The following AFDN variants were observed in gnomAD, a reference collection of about 807,000 sequenced individuals.
The protein encoded by AFDN is afadin, adherens junction formation factor.
In AFDN, 68 loss-of-function variants were observed where a neutral mutation model predicts 216.6. That is an observed-to-expected ratio of 0.31 (90% CI 0.26 to 0.38). The LOEUF is 0.38. Among genes scored for constraint, AFDN ranks in the 10% least tolerant of loss-of-function variants. The pLI, the probability that AFDN is intolerant of heterozygous loss-of-function variation, is 1.00. For missense variants in AFDN, 2,136 were observed against 2,342.0 expected, an observed-to-expected ratio of 0.91 and a Z score of 1.82; for synonymous variants, 868 against 853.7, an observed-to-expected ratio of 1.02 and a Z score of -0.29.
intron 4 of AFDN, among the ~76,000 whole-genome samples, chr6:167,874,262 A>G (rs574382938): frequency 7.2e-5 from 11 of 152,268 alleles, no homozygotes; most frequent in African/African-American, 2.4e-4. Flanking sequence ...AAAAGCTTCT[A>G]CTTTATGACT....
In AFDN at chr6:167,970,570, G is replaced by A. The variant is rs1028717096; in HGVS notation, c.*635G>A. ...CCGAGACTGTTCCATCTCATTCCTC[G>A]CAAATTTGAGCTCTTCTGATCAATT... is the stretch of plus-strand genomic sequence containing the variant. On this transcript the variant is annotated 3_prime_UTR_variant, in exon 34 of 34. Coordinates refer to ENST00000683244, the MANE Select transcript of AFDN (RefSeq NM_001386888.1). The A allele has an allele frequency of 2.8e-5, 6 of 212,654 alleles. No homozygotes were observed. The highest frequency in any genetic ancestry group is 1.5e-3 in the Middle Eastern group (1 of 674). 13.2% of individuals were successfully genotyped at this position (212,654 alleles called of 1,614,324 possible). A position where few individuals can be genotyped will look rare whatever the true frequency, so the allele number is the denominator to read the frequency against.
At position 167,948,408 on chromosome 6, in the gene AFDN, A is replaced by C; in HGVS notation, c.3761A>C (p.Asn1254Thr). 1 of 1,614,156 alleles carries C rather than the reference A, an allele frequency of 6.2e-7. No homozygotes were observed. The highest frequency in any genetic ancestry group is 8.5e-7 in the Non-Finnish European group (1 of 1,180,038). The change falls in exon 29 of 34, where the codon AAC becomes ACC. Residue 1254 changes from asparagine to threonine, a missense_variant. Physicochemically the swap from Asn to Thr is moderately conservative, Grantham distance 65. Transcript: ENST00000683244. ...KSQDRMAPPQ[N>T]QWPNYEEKPH... is the part of the protein sequence containing the mutation. ...CAGGATCGGATGGCTCCTCCTCAGA[A>C]CCAGTGGCCAAATTATGAGGAAAAG...
At chr6:167,826,822 C>CG (rs907539879), upstream of AFDN, 8 of 140,010 alleles carry the variant, frequency 5.7e-5, no homozygotes, top group South Asian at 2.1e-4. Context: ...CGGCGCCGCG[C>CG]GGGGCGGCGG....
chr6:167,952,525 G>A (rs1562333169), intron 30 of AFDN: 5 of 985,286 alleles, frequency 5.1e-6, no homozygotes, highest in Non-Finnish European at 4.8e-6. Context: ...CTTGATCCAG[G>A]GTAGGCAAAA....
rs774949789 is a variant in AFDN at position 167,870,487 on chromosome 6, A to C, written c.403A>C (p.Ile135Leu). 1.9e-6 allele frequency: 3 copies of C among 1,607,658 alleles called. No homozygotes were observed. Among genetic ancestry groups the C allele is most frequent in the Non-Finnish European group, 2.6e-6 (3 of 1,175,556 alleles). The change falls in exon 3 of 34, where the codon ATT (isoleucine) becomes CTT (leucine). Residue 135 changes from isoleucine (I) to leucine (L), a missense_variant. Ile to Leu is a conservative substitution (Grantham distance 5). Coordinates refer to ENST00000683244, the MANE Select transcript of AFDN (RefSeq NM_001386888.1). ...TGTTCTTAAGAATGAGAATGACGCC[A>C]TTCCTCCTAAGGTAGGAACCCTCAG... ...RFVLKNENDA[I>L]PPKKAQSNGP... is the part of the protein sequence containing the mutation.
chr6:167,929,214 T>G (rs1792953851), intron 23 of AFDN, among the ~76,000 whole-genome samples: 1 of 151,386 alleles, frequency 6.6e-6, no homozygotes, highest in Non-Finnish European at 1.5e-5. Context: ...GTGTAAATTT[T>G]CACTTTTAAA....
intron 1 of AFDN, among the ~76,000 whole-genome samples, chr6:167,852,685 C>G (rs180870613): frequency 6.6e-6 from 1 of 152,208 alleles, no homozygotes; most frequent in Non-Finnish European, 1.5e-5. Flanking sequence ...ATTCTGAGCT[C>G]CTGTATTGCT....
intron 2 of AFDN, among the ~76,000 whole-genome samples, chr6:167,868,528 G>A (rs1341787494): frequency 6.6e-6 from 1 of 152,172 alleles, no homozygotes; most frequent in South Asian, 2.1e-4. Flanking sequence ...TTGACTTTCT[G>A]TGTGACTGTT....
At chr6:167,920,973 G>A (rs1038156463) in intron 21 of AFDN, among the ~76,000 whole-genome samples, 2 of 152,124 alleles carry the variant, frequency 1.3e-5, no homozygotes, top group Admixed American at 6.5e-5. Context: ...TGTTTCAAAC[G>A]CGTGCCGCTG....
intron 32 of AFDN, chr6:167,966,411 C>A (rs540974366): frequency 6.4e-5 from 43 of 671,734 alleles, no homozygotes; most frequent in Admixed American, 1.8e-4. Context: ...TCACTGGTCT[C>A]GGCATGGTGA....
At chr6:167,844,529 A>T (rs542107252) in intron 1 of AFDN, among the ~76,000 whole-genome samples, 1 of 152,264 alleles carries the variant, frequency 6.6e-6, no homozygotes, top group Non-Finnish European at 1.5e-5. Context: ...TTTCCACAGT[A>T]CACTGTTTCA....
chr6:167,863,039 G>C (rs1288899682), intron 1 of AFDN, among the ~76,000 whole-genome samples: 1 of 151,992 alleles, frequency 6.6e-6, no homozygotes, highest in Non-Finnish European at 1.5e-5. Flanking sequence ...TTTTTGTTTT[G>C]ATTTTCATAA....
chr6:167,869,054 G>A (rs1177408287), intron 2 of AFDN, among the ~76,000 whole-genome samples: 5 of 151,910 alleles, frequency 3.3e-5, no homozygotes, highest in African/African-American at 1.2e-4. Flanking sequence ...GGTATTATAG[G>A]TGTGAGTCCA....
chr6:167,901,191 A>G (rs1474332463), intron 11 of AFDN, among the ~76,000 whole-genome samples: 1 of 152,116 alleles, frequency 6.6e-6, no homozygotes, highest in African/African-American at 2.4e-5. Context: ...ATATATTAAT[A>G]TTTTTCAAGT....
intron 22 of AFDN, 142 bp from the exon 23 acceptor site, chr6:167,924,863 A>G (rs1792300655): frequency 1.4e-6 from 1 of 740,718 alleles, no homozygotes; most frequent in Non-Finnish European, 2.5e-6. Context: ...ATTAATTGAA[A>G]TTTTTTTTAC....
chr6:167,959,351 T>C (rs1219406645), intron 30 of AFDN, among the ~76,000 whole-genome samples: 3 of 152,212 alleles, frequency 2.0e-5, no homozygotes, highest in Non-Finnish European at 4.4e-5. Context: ...AGGACTTCAG[T>C]TTCCTAATGA....
At position 167,971,882 on chromosome 6, in the gene AFDN, T is replaced by C; in HGVS notation, c.*1947T>C. 1 of 202,128 alleles carries C rather than the reference T, an allele frequency of 4.9e-6. No homozygotes were observed. The highest frequency in any genetic ancestry group is 7.7e-5 in the East Asian group (1 of 13,022). 12.5% of individuals were successfully genotyped at this position (202,128 alleles called of 1,614,324 possible). Reference sequence around the variant, plus strand: ...TTTCTACTGTATTTCAGTTGCAACCTATTTTTAATAAACTTTGTATGTATT... The same window carrying C: ...TTTCTACTGTATTTCAGTTGCAACCCATTTTTAATAAACTTTGTATGTATT... On this transcript the variant is annotated 3_prime_UTR_variant, in exon 34 of 34. Transcript: ENST00000683244.
intron 11 of AFDN, 111 bp downstream of exon 11, chr6:167,898,578 C>G: frequency 1.6e-6 from 2 of 1,234,888 alleles, no homozygotes; most frequent in South Asian, 1.7e-5. Flanking sequence ...AAAAAAATAT[C>G]AAAGTGAAGT....
intron 23 of AFDN, among the ~76,000 whole-genome samples, chr6:167,938,227 A>C (rs1321635410): frequency 6.6e-6 from 1 of 152,220 alleles, no homozygotes; most frequent in Admixed American, 6.5e-5. Context: ...CTTGGTGTAG[A>C]GAGAACATCA....
Sources: allele counts gnomAD v4.1 joint callset (sites outside exome capture counted in the v4.1 genomes callset), GRCh38; gene constraint gnomAD v4.1.1; transcripts MANE v1.5; gene names NCBI Gene and HGNC (gene_info 2026-07-23, HGNC 2026-07-21).